Variants in AGBL4 observed in about 807,000 individuals in gnomAD.
AGBL4 encodes the protein AGBL carboxypeptidase 4.
In AGBL4, 58 loss-of-function variants were observed where a neutral mutation model predicts 66.4. The observed-to-expected ratio is 0.87, with a 90% confidence interval of 0.71 to 1.09. AGBL4 has a LOEUF of 1.09. Ranked by LOEUF, AGBL4 falls within the 50% of genes least tolerant of loss-of-function variation. The pLI is 0.00. For missense variants in AGBL4, 579 were observed against 631.0 expected, an observed-to-expected ratio of 0.92 and a Z score of 0.88; for synonymous variants, 234 against 222.9, an observed-to-expected ratio of 1.05 and a Z score of -0.44.
intron 5 of AGBL4, among the ~76,000 whole-genome samples, chr1:49,043,330 A>G (rs940442921): frequency 2.0e-5 from 3 of 152,130 alleles, no homozygotes; most frequent in Non-Finnish European, 4.4e-5. Context: ...AGGAGATCAG[A>G]TGTAAGTAAG....
At chr1:48,802,264 A>G (rs1034339618) in intron 6 of AGBL4, among the ~76,000 whole-genome samples, 1 of 152,112 alleles carries the variant, frequency 6.6e-6, no homozygotes, top group Non-Finnish European at 1.5e-5. Context: ...TGCCTGGCTA[A>G]GTCTTTCTTA....
intron 9 of AGBL4, among the ~76,000 whole-genome samples, chr1:48,633,311 C>G (rs929894613): frequency 3.3e-5 from 5 of 152,192 alleles, no homozygotes; most frequent in African/African-American, 1.2e-4. Context: ...CTATGTCGCT[C>G]TTTAATTCAG....
intron 1 of AGBL4, among the ~76,000 whole-genome samples, chr1:49,905,082 T>C (rs762871938): frequency 1.3e-5 from 2 of 152,206 alleles, no homozygotes; most frequent in Non-Finnish European, 2.9e-5. Flanking sequence ...GAAAAAGATA[T>C]TTATTTTCAG....
intron 12 of AGBL4, among the ~76,000 whole-genome samples, chr1:48,537,989 T>C (rs1016163592): frequency 6.6e-6 from 1 of 152,162 alleles, no homozygotes; most frequent in African/African-American, 2.4e-5. Context: ...AATGAATGAA[T>C]GTATACATGC....
chr1:49,918,058 C>T (rs1010886292), intron 1 of AGBL4, among the ~76,000 whole-genome samples: 1 of 152,114 alleles, frequency 6.6e-6, no homozygotes, highest in Non-Finnish European at 1.5e-5. Context: ...CACAACATAC[C>T]AGAATCTCTG....
intron 5 of AGBL4, among the ~76,000 whole-genome samples, chr1:48,966,130 T>G (rs1042210742): frequency 2.6e-5 from 4 of 152,166 alleles, no homozygotes; most frequent in Non-Finnish European, 5.9e-5. Flanking sequence ...AACCACACCT[T>G]GTACAGTCCC....
At chr1:48,646,257 TG>T (rs1363624094) in intron 8 of AGBL4, among the ~76,000 whole-genome samples, 1 of 152,054 alleles carries the variant, frequency 6.6e-6, no homozygotes, top group Non-Finnish European at 1.5e-5. Context: ...GAAATGTGAC[TG>T]GGGCAGGGAA....
At chr1:49,608,247 A>G (rs1028066254) in intron 3 of AGBL4, among the ~76,000 whole-genome samples, 5 of 152,172 alleles carry the variant, frequency 3.3e-5, no homozygotes, top group Admixed American at 1.3e-4. Context: ...TGCACTGCTC[A>G]TATTAAATAC....
At chr1:48,633,616 T>A (rs1261333336) in intron 9 of AGBL4, among the ~76,000 whole-genome samples, 2 of 152,184 alleles carry the variant, frequency 1.3e-5, no homozygotes, top group Admixed American at 1.3e-4. Context: ...TAGGCAGCTA[T>A]AGTTGTTAAA....
chr1:48,657,126 T>A (rs932107825), intron 7 of AGBL4, among the ~76,000 whole-genome samples: 6 of 152,206 alleles, frequency 3.9e-5, no homozygotes, highest in Non-Finnish European at 8.8e-5. Context: ...CTGGGTTTGA[T>A]GCCTCTCTCT....
chr1:49,198,741 C>G (rs1370592777), intron 4 of AGBL4, among the ~76,000 whole-genome samples: 2 of 151,538 alleles, frequency 1.3e-5, no homozygotes, highest in Non-Finnish European at 2.9e-5. Context: ...TTTTTAAAAA[C>G]TTGCGTTTTT....
At chr1:49,897,590 CA>C (rs956679691) in intron 1 of AGBL4, among the ~76,000 whole-genome samples, 1 of 151,648 alleles carries the variant, frequency 6.6e-6, no homozygotes, top group Admixed American at 6.6e-5. Flanking sequence ...TCTTCACAAA[CA>C]TATAAAAAAA....
chr1:49,319,658 C>T (rs1389753702), intron 3 of AGBL4, among the ~76,000 whole-genome samples: 1 of 152,168 alleles, frequency 6.6e-6, no homozygotes, highest in African/African-American at 2.4e-5. Context: ...CAGTCTTAGT[C>T]TGTTTTATAC....
chr1:49,487,322 C>A (rs1262399805), intron 3 of AGBL4, among the ~76,000 whole-genome samples: 1 of 151,926 alleles, frequency 6.6e-6, no homozygotes, highest in Non-Finnish European at 1.5e-5. Flanking sequence ...ATCCTCATGA[C>A]AACTATATGA....
At chr1:49,168,681 C>A (rs1646677867) in intron 4 of AGBL4, among the ~76,000 whole-genome samples, 1 of 152,160 alleles carries the variant, frequency 6.6e-6, no homozygotes, top group Non-Finnish European at 1.5e-5. Context: ...CTCTTGCCAC[C>A]TGCACCAAGG....
intron 4 of AGBL4, among the ~76,000 whole-genome samples, chr1:49,072,764 A>G (rs1014064718): frequency 6.6e-6 from 1 of 152,010 alleles, no homozygotes; most frequent in African/African-American, 2.4e-5. Context: ...TGTTCTCTCT[A>G]TTTCCTGAAT....
intron 8 of AGBL4, among the ~76,000 whole-genome samples, chr1:48,641,442 T>C (rs957421510): frequency 1.3e-5 from 2 of 152,200 alleles, no homozygotes; most frequent in Admixed American, 6.5e-5. Context: ...CCTTCTTAGA[T>C]CATCATGACG....
At chr1:49,697,020 A>G (rs549264053) in intron 3 of AGBL4, among the ~76,000 whole-genome samples, 28 of 152,300 alleles carry the variant, frequency 1.8e-4, no homozygotes, top group African/African-American at 6.7e-4. Context: ...AGTCTCTTCC[A>G]GTGTTTCCTT....
At chr1:49,207,542 T>TTCTTTCTTTCTTTCTTTC (rs1648288037) in intron 4 of AGBL4, among the ~76,000 whole-genome samples, 2 of 78,030 alleles carry the variant, frequency 2.6e-5, no homozygotes, top group African/African-American at 9.7e-5. Flanking sequence ...TTTTTCTTTC[T>TTCTTTCTTTCTTTCTTTC]TTTCTTTCTT....
Sources: gnomAD v4.1 joint callset for allele counts (sites outside exome capture counted in the v4.1 genomes callset) on GRCh38, gnomAD v4.1.1 for gene constraint, MANE v1.5 for transcripts, NCBI Gene and HGNC (gene_info 2026-07-23, HGNC 2026-07-21) for gene names.